CASP6: variants seen among roughly 807,000 people sequenced by gnomAD.
CASP6 encodes caspase 6.
In CASP6, 20 loss-of-function variants were observed where a neutral mutation model predicts 31.8. That is an observed-to-expected ratio of 0.63 (90% CI 0.44 to 0.91). The LOEUF is 0.91. Among genes scored for constraint, CASP6 ranks in the 40% least tolerant of loss-of-function variants. CASP6 has a pLI of 0.00. For synonymous variants in CASP6, 130 were observed against 127.8 expected (o/e 1.02, Z -0.12); for missense variants, 328 against 361.1 (o/e 0.91, Z 0.74).
At chr4:109,673,594 T>G in the CASP6 span, among the ~76,000 whole-genome samples, 127 of 152,250 alleles carry the variant, frequency 8.3e-4, no homozygotes, top group Non-Finnish European at 1.4e-3. Flanking sequence ...GGAATCATAC[T>G]GGATTAACTG....
Position 109,696,404 on chromosome 4 carries a change from AC to A in CASP6, c.307+5del, listed in dbSNP as rs1554022256. ...AGATGAACTATATGATAGCAAAACTACCTACCCTCATGAATTTTGAGCAGTA... is the reference window on the plus strand; with the variant it reads ...AGATGAACTATATGATAGCAAAACTACTACCCTCATGAATTTTGAGCAGTA... On this transcript the variant is annotated splice_donor_5th_base_variant and intron_variant, in intron 4 of 6. Transcript: ENST00000265164. The A allele has an allele frequency of 6.2e-7, 1 of 1,606,056 alleles. No homozygotes were observed. The highest frequency in any genetic ancestry group is 1.3e-5 in the African/African-American group (1 of 74,672).
chr4:109,687,838 G>C, downstream of CASP6: 1 of 460,522 alleles, frequency 2.2e-6, no homozygotes, highest in Non-Finnish European at 3.8e-6. Context: ...AAAAATCCTT[G>C]TCAGCTTGTC....
At chr4:109,677,374 A>C in the CASP6 span, among the ~76,000 whole-genome samples, 1,474 of 152,236 alleles carry the variant, frequency 9.7e-3, 20 homozygotes, top group African/African-American at 0.033. Context: ...GATTTAGATG[A>C]GACTTTGGAA....
chr4:109,674,039 T>C, the CASP6 span: 14 of 1,337,134 alleles, frequency 1.0e-5, no homozygotes, highest in East Asian at 1.8e-4. Context: ...ATGCGTGTGG[T>C]AGCCCAAGGC....
chr4:109,703,287 C>A, intron 1 of CASP6, 69 bp downstream of exon 1: 1 of 1,545,158 alleles, frequency 6.5e-7, no homozygotes, highest in Non-Finnish European at 8.8e-7. Context: ...GGTCCACTAA[C>A]CCTCGTTTCC....
chr4:109,694,778 C>T, intron 4 of CASP6, 78 bp from the exon 5 acceptor site: 1 of 1,326,330 alleles, frequency 7.5e-7, no homozygotes, highest in Non-Finnish European at 1.0e-6. Context: ...AGTTTATTAA[C>T]ACAAGAATAA....
downstream of CASP6, among the ~76,000 whole-genome samples, chr4:109,686,777 G>A (rs1379829332): frequency 6.6e-6 from 1 of 152,170 alleles, no homozygotes; most frequent in African/African-American, 2.4e-5. Context: ...TTGGGAAGCT[G>A]AAGCAGGAAG....
upstream of CASP6, chr4:109,703,649 C>A (rs1460880690): frequency 1.8e-6 from 1 of 547,652 alleles, no homozygotes; most frequent in African/African-American, 2.0e-5. Flanking sequence ...ACGCGGTCTT[C>A]GCCTCCAGGC....
the CASP6 span, among the ~76,000 whole-genome samples, chr4:109,682,272 C>G: frequency 6.6e-6 from 1 of 151,314 alleles, no homozygotes; most frequent in South Asian, 2.1e-4. Flanking sequence ...TGCTTATGCT[C>G]AATTGCCTTC....
chr4:109,702,339 T>C (rs3181342), intron 1 of CASP6, among the ~76,000 whole-genome samples: 77,161 of 149,654 alleles, frequency 0.52, 19,808 homozygotes, highest in South Asian at 0.6. Flanking sequence ...TTTTTTTTTT[T>C]TTCTTCTTGA....
downstream of CASP6, among the ~76,000 whole-genome samples, chr4:109,687,147 G>C (rs1729863905): frequency 6.6e-6 from 1 of 151,970 alleles, no homozygotes; most frequent in African/African-American, 2.4e-5. Flanking sequence ...TTGAGTCCAG[G>C]AGTTCAAGAC....
intron 5 of CASP6, among the ~76,000 whole-genome samples, chr4:109,693,351 A>G (rs1158159737): frequency 6.6e-6 from 1 of 152,226 alleles, no homozygotes; most frequent in African/African-American, 2.4e-5. Flanking sequence ...ATTCATGGAA[A>G]TACAGAATTG....
At chr4:109,664,866 C>T in the CASP6 span, among the ~76,000 whole-genome samples, 1 of 151,838 alleles carries the variant, frequency 6.6e-6, no homozygotes, top group African/African-American at 2.4e-5. Context: ...GCTTAACCGA[C>T]ATTATTGGGT....
chr4:109,699,120 T>C (rs924932180), intron 1 of CASP6, among the ~76,000 whole-genome samples: 15 of 152,246 alleles, frequency 9.9e-5, no homozygotes, highest in Admixed American at 6.5e-5. Context: ...AATTGGCCAG[T>C]GGCTTCTACA....
downstream of CASP6, among the ~76,000 whole-genome samples, chr4:109,686,034 A>G (rs1476790167): frequency 6.6e-6 from 1 of 152,234 alleles, no homozygotes; most frequent in African/African-American, 2.4e-5. Flanking sequence ...ATGCTTGTTT[A>G]GTAGCTGGTA....
chr4:109,691,025 G>A lies in CASP6; in HGVS notation c.484-16C>T, dbSNP rs1730039316. The A allele has an allele frequency of 1.2e-6, 2 of 1,600,066 alleles. No homozygotes were observed. The highest frequency in any genetic ancestry group is 1.7e-6 in the Non-Finnish European group (2 of 1,173,248). On this transcript the variant is annotated splice_polypyrimidine_tract_variant and intron_variant, in intron 5 of 6. Coordinates refer to ENST00000265164, the MANE Select transcript of CASP6 (RefSeq NM_001226.4). ...CCCGACATGCCTACAAGACAAGGAG[G>A]AAAAACCCACCTCTTTGCCTACTGT... is the stretch of plus-strand genomic sequence containing the variant.
upstream of CASP6, among the ~76,000 whole-genome samples, chr4:109,704,760 G>C (rs1730546735): frequency 6.6e-6 from 1 of 152,170 alleles, no homozygotes; most frequent in East Asian, 1.9e-4. Context: ...ACCAAGGCTG[G>C]AGTACAGTGG....
chr4:109,694,488 G>GACT, intron 5 of CASP6, 37 bp downstream of exon 5: 1 of 1,484,310 alleles, frequency 6.7e-7, no homozygotes, highest in East Asian at 2.5e-5. Context: ...CAGAATGACA[G>GACT]ACTTTATAAT....
chr4:109,673,506 G>A, the CASP6 span, among the ~76,000 whole-genome samples: 1 of 152,192 alleles, frequency 6.6e-6, no homozygotes, highest in Non-Finnish European at 1.5e-5. Context: ...TATGAAAACT[G>A]TATCAGACTT....
Sources: gnomAD v4.1 joint callset for allele counts (sites outside exome capture counted in the v4.1 genomes callset) on GRCh38, gnomAD v4.1.1 for gene constraint, MANE v1.5 for transcripts, NCBI Gene and HGNC (gene_info 2026-07-23, HGNC 2026-07-21) for gene names.